Variants in IGF2BP2 observed in about 807,000 individuals in gnomAD.
IGF2BP2 encodes the protein insulin like growth factor 2 mRNA binding protein 2, also known as insulin-like growth factor 2 mRNA-binding protein 2.
IGF2BP2 carries 17 observed loss-of-function variants against 75.8 expected under a neutral mutation model. That is an observed-to-expected ratio of 0.22 (90% CI 0.15 to 0.34). The LOEUF is 0.34. Ranked by LOEUF, IGF2BP2 falls within the 10% of genes least tolerant of loss-of-function variation. IGF2BP2 has a pLI of 1.00. For missense variants in IGF2BP2, 516 were observed against 772.4 expected, an observed-to-expected ratio of 0.67 and a Z score of 3.93; for synonymous variants, 288 against 295.6, an observed-to-expected ratio of 0.97 and a Z score of 0.26.
chr3:185,665,467 A>G (rs565003877), intron 10 of IGF2BP2, among the ~76,000 whole-genome samples: 7,082 of 81,318 alleles, frequency 0.087, 1,186 homozygotes, highest in Non-Finnish European at 0.11. Context: ...GAAGAAGAAG[A>G]AGAAGAAGGA....
chr3:185,680,532 G>T (rs1455097516), intron 7 of IGF2BP2, among the ~76,000 whole-genome samples: 2 of 152,184 alleles, frequency 1.3e-5, no homozygotes, highest in Non-Finnish European at 2.9e-5. Context: ...TATCTCCGAT[G>T]AATATTGATG....
At chr3:185,705,533 A>T (rs894190357) in intron 2 of IGF2BP2, among the ~76,000 whole-genome samples, 6 of 151,816 alleles carry the variant, frequency 4.0e-5, no homozygotes, top group Non-Finnish European at 7.4e-5. Flanking sequence ...AGAGACAGAA[A>T]CTCATGGAAG....
chr3:185,670,338 T>A (rs1345846968), intron 10 of IGF2BP2, among the ~76,000 whole-genome samples: 4 of 152,144 alleles, frequency 2.6e-5, no homozygotes. Context: ...GTCAGCAAAC[T>A]TTTTCTGCAA....
At chr3:185,711,097 G>A (rs1724732301) in intron 2 of IGF2BP2, among the ~76,000 whole-genome samples, 1 of 152,290 alleles carries the variant, frequency 6.6e-6, no homozygotes, top group Middle Eastern at 3.4e-3. Flanking sequence ...ATTATTAAAA[G>A]AACTTATCAT....
chr3:185,671,559 AAAAAG>A (rs1216384848), intron 10 of IGF2BP2, among the ~76,000 whole-genome samples: 1 of 151,614 alleles, frequency 6.6e-6, no homozygotes, highest in Non-Finnish European at 1.5e-5. Flanking sequence ...AAAGAAAAAG[AAAAAG>A]AAAAGATTCA....
At chr3:185,729,374 G>A (rs548879424) in intron 2 of IGF2BP2, among the ~76,000 whole-genome samples, 65 of 152,202 alleles carry the variant, frequency 4.3e-4, no homozygotes, top group African/African-American at 1.4e-3. Flanking sequence ...AATAAAGTCC[G>A]CCTGTCACTG....
chr3:185,646,813 A>G (rs931344927), intron 15 of IGF2BP2: 1 of 583,682 alleles, frequency 1.7e-6, no homozygotes, highest in African/African-American at 1.9e-5. Flanking sequence ...AGCTCCTAGC[A>G]TACATACCTC....
At chr3:185,751,225 A>G (rs1730922496) in intron 2 of IGF2BP2, among the ~76,000 whole-genome samples, 2 of 152,200 alleles carry the variant, frequency 1.3e-5, no homozygotes, top group Non-Finnish European at 2.9e-5. Flanking sequence ...TCATACATAT[A>G]GAAATTAGAA....
Position 185,729,249 on chromosome 3 carries a change from A to G in IGF2BP2, c.240-30902T>C, listed in dbSNP as rs77509726. On this transcript the variant is annotated intron_variant, in intron 2 of 15. Coordinates refer to ENST00000382199, the MANE Select transcript of IGF2BP2 (RefSeq NM_006548.6). ...GAAAGGCAACTGTGTGATCATTTGAATTGGGAGCTGAAATGGCCACTTTCT... is the reference window on the plus strand; with the variant it reads ...GAAAGGCAACTGTGTGATCATTTGAGTTGGGAGCTGAAATGGCCACTTTCT... Among the ~76,000 whole-genome samples, 943 of 152,282 alleles carry G rather than the reference A, an allele frequency of 6.2e-3. 7 individuals carry two copies. Among genetic ancestry groups the G allele is most frequent in the African/African-American group, 0.022 (894 of 41,542 alleles).
At chr3:185,788,257 T>C (rs186873926) in intron 2 of IGF2BP2, among the ~76,000 whole-genome samples, 234 of 152,260 alleles carry the variant, frequency 1.5e-3, no homozygotes, top group Admixed American at 3.1e-3. Flanking sequence ...CAGTGGCTTA[T>C]ACCTGTAATC....
chr3:185,659,541 A>AT (rs1352904550), intron 10 of IGF2BP2, among the ~76,000 whole-genome samples: 1 of 151,144 alleles, frequency 6.6e-6, no homozygotes, highest in Non-Finnish European at 1.5e-5. Context: ...CGCCTGGTTA[A>AT]TTTTTTGTAT....
chr3:185,742,576 G>A (rs1394622834), intron 2 of IGF2BP2, among the ~76,000 whole-genome samples: 4 of 152,044 alleles, frequency 2.6e-5, no homozygotes, highest in Non-Finnish European at 5.9e-5. Flanking sequence ...AGGATCACTC[G>A]AGCCCAGGAG....
At chr3:185,778,535 G>A (rs1734813120) in intron 2 of IGF2BP2, among the ~76,000 whole-genome samples, 1 of 152,162 alleles carries the variant, frequency 6.6e-6, no homozygotes, top group African/African-American at 2.4e-5. Flanking sequence ...CTAGTTAAAA[G>A]GCGAATAATG....
chr3:185,794,955 T>C (rs1251644423), intron 2 of IGF2BP2, among the ~76,000 whole-genome samples: 2 of 152,096 alleles, frequency 1.3e-5, no homozygotes, highest in African/African-American at 4.8e-5. Flanking sequence ...TGGAGTGCAG[T>C]GGCGCTCTCT....
In IGF2BP2 at chr3:185,736,024, C is replaced by T. The variant is rs896022633; in HGVS notation, c.240-37677G>A. ...TGCTGGACCACTCCAGTAAGGCTAA[C>T]CAGAAGGAATCCACCCTCCCTCTCA... On this transcript the variant is annotated intron_variant, in intron 2 of 15. Coordinates refer to ENST00000382199, the MANE Select transcript of IGF2BP2 (RefSeq NM_006548.6). Among the ~76,000 whole-genome samples, 7 of 152,328 alleles carry T rather than the reference C, an allele frequency of 4.6e-5. No homozygotes were observed. The East Asian group carries it at 1.3e-3, about 29-fold the overall frequency.
At chr3:185,666,443 G>A (rs932668206) in intron 10 of IGF2BP2, among the ~76,000 whole-genome samples, 4 of 152,166 alleles carry the variant, frequency 2.6e-5, no homozygotes, top group Non-Finnish European at 5.9e-5. Context: ...AGGCCAGCCT[G>A]GGTAACATGG....
chr3:185,734,800 G>A (rs1260602702), intron 2 of IGF2BP2, among the ~76,000 whole-genome samples: 1 of 152,240 alleles, frequency 6.6e-6, no homozygotes, highest in Non-Finnish European at 1.5e-5. Flanking sequence ...AAACACTAGA[G>A]TATAGAGGTC....
At chr3:185,786,654 C>T (rs1735934239) in intron 2 of IGF2BP2, among the ~76,000 whole-genome samples, 2 of 152,208 alleles carry the variant, frequency 1.3e-5, no homozygotes, top group South Asian at 4.1e-4. Context: ...TCGGACTCAG[C>T]CCACCTGCAC....
chr3:185,664,716 A>G (rs940420739), intron 10 of IGF2BP2, among the ~76,000 whole-genome samples: 1 of 152,226 alleles, frequency 6.6e-6, no homozygotes, highest in African/African-American at 2.4e-5. Flanking sequence ...AAGCCCATCA[A>G]TGCACGAGAC....
Sources: gnomAD v4.1 joint callset for allele counts (sites outside exome capture counted in the v4.1 genomes callset) on GRCh38, gnomAD v4.1.1 for gene constraint, MANE v1.5 for transcripts, NCBI Gene and HGNC (gene_info 2026-07-23, HGNC 2026-07-21) for gene names.